Variants in ZNF438 observed in about 807,000 individuals in gnomAD.
The protein encoded by ZNF438 is zinc finger protein 438.
ZNF438 carries 25 observed loss-of-function variants against 38.0 expected under a neutral mutation model. The ratio of observed to expected loss-of-function variants is 0.66; its 90% CI spans 0.48 to 0.92. ZNF438 has a LOEUF of 0.92. Ranked by LOEUF, ZNF438 falls within the 40% of genes least tolerant of loss-of-function variation. The pLI is 0.00. For synonymous variants in ZNF438, 372 were observed against 364.1 expected, an observed-to-expected ratio of 1.02 and a Z score of -0.25; for missense variants, 1,007 against 999.6, an observed-to-expected ratio of 1.01 and a Z score of -0.10.
At chr10:30,951,800 A>G (rs1046144734) in intron 1 of ZNF438, among the ~76,000 whole-genome samples, 5 of 149,378 alleles carry the variant, frequency 3.3e-5, no homozygotes, top group African/African-American at 1.2e-4. Flanking sequence ...GGAAGAATCA[A>G]TACCATGAAA....
intron 1 of ZNF438, among the ~76,000 whole-genome samples, chr10:31,020,462 G>C (rs889587550): frequency 6.6e-6 from 1 of 152,146 alleles, no homozygotes; most frequent in Non-Finnish European, 1.5e-5. Context: ...ATACGTTGTT[G>C]AACTACAGGG....
intron 1 of ZNF438, among the ~76,000 whole-genome samples, chr10:30,946,693 A>G (rs190444614): frequency 6.2e-4 from 95 of 152,324 alleles, no homozygotes; most frequent in African/African-American, 2.2e-3. Flanking sequence ...CTGTCTTTAG[A>G]ATATTTAGAT....
At chr10:30,860,167 C>T (rs1385889572) in intron 4 of ZNF438, among the ~76,000 whole-genome samples, 5 of 152,192 alleles carry the variant, frequency 3.3e-5, no homozygotes, top group Admixed American at 3.3e-4. Flanking sequence ...TGTAGGTCAT[C>T]GGACCCGCAT....
intron 3 of ZNF438, among the ~76,000 whole-genome samples, chr10:30,878,162 A>G (rs2038711477): frequency 6.6e-6 from 1 of 152,228 alleles, no homozygotes; most frequent in Non-Finnish European, 1.5e-5. Context: ...GAGAACTTCT[A>G]TCCCTGTTTG....
chr10:30,955,015 C>T (rs762374284), intron 1 of ZNF438, among the ~76,000 whole-genome samples: 17 of 152,116 alleles, frequency 1.1e-4, no homozygotes, highest in Non-Finnish European at 2.2e-4. Flanking sequence ...TTTCTATGGA[C>T]CAGTAAAGCT....
chr10:30,881,191 A>T (rs892651443), intron 3 of ZNF438, among the ~76,000 whole-genome samples: 1 of 152,206 alleles, frequency 6.6e-6, no homozygotes, highest in African/African-American at 2.4e-5. Flanking sequence ...CAAGACTTAA[A>T]ATGGTCTTTA....
chr10:30,933,784 C>G (rs2045938868), intron 2 of ZNF438, among the ~76,000 whole-genome samples: 1 of 152,098 alleles, frequency 6.6e-6, no homozygotes, highest in South Asian at 2.1e-4. Context: ...TGACCTGGCC[C>G]CAATTGCAGC....
At chr10:30,975,282 T>C (rs2051211443) in intron 1 of ZNF438, among the ~76,000 whole-genome samples, 1 of 152,164 alleles carries the variant, frequency 6.6e-6, no homozygotes. Flanking sequence ...TCCCTTATTA[T>C]ACAGAGAGAA....
At chr10:31,028,345 G>A (rs890451685) in intron 1 of ZNF438, among the ~76,000 whole-genome samples, 5 of 151,966 alleles carry the variant, frequency 3.3e-5, no homozygotes, top group Non-Finnish European at 2.9e-5. Flanking sequence ...TCAACACTGA[G>A]GTAATAGAAC....
chr10:31,031,619 G>A (rs1050305140), intron 1 of ZNF438, among the ~76,000 whole-genome samples: 3 of 152,064 alleles, frequency 2.0e-5, no homozygotes, highest in African/African-American at 7.2e-5. Context: ...AAAGGTGCTG[G>A]CCCGGCCCCA....
chr10:30,869,305 C>T (rs1224774153), intron 4 of ZNF438, among the ~76,000 whole-genome samples: 1 of 151,874 alleles, frequency 6.6e-6, no homozygotes, highest in African/African-American at 2.4e-5. Context: ...ACCAGGGAGG[C>T]GGAGGTTGCA....
chr10:30,958,593 C>G, intron 1 of ZNF438, among the ~76,000 whole-genome samples: 1 of 146,934 alleles, frequency 6.8e-6, no homozygotes, highest in South Asian at 2.2e-4. Flanking sequence ...GTCCATTGAA[C>G]AGGGGACAGT....
chr10:31,014,178 C>A (rs78207041), intron 1 of ZNF438, among the ~76,000 whole-genome samples: 2 of 151,978 alleles, frequency 1.3e-5, no homozygotes. Flanking sequence ...TGAAAAAAAA[C>A]AAAAAACCTC....
At chr10:30,845,669 A>G (rs1427172618) in intron 5 of ZNF438, 96 bp from the exon 7 acceptor site, 1 of 1,424,846 alleles carries the variant, frequency 7.0e-7, no homozygotes. Context: ...CTAAAACATA[A>G]CACTGACGAG....
chr10:31,030,186 A>G (rs1405849010), intron 1 of ZNF438, among the ~76,000 whole-genome samples: 1 of 152,178 alleles, frequency 6.6e-6, no homozygotes, highest in African/African-American at 2.4e-5. Flanking sequence ...TTTCCCTCAC[A>G]CTTCAAGTGT....
intron 4 of ZNF438, chr10:30,857,592 G>T: frequency 9.1e-7 from 1 of 1,093,300 alleles, no homozygotes; most frequent in Non-Finnish European, 1.3e-6. Context: ...CTAACTTTCT[G>T]AAAGCCCACT....
chr10:30,951,435 A>T (rs1321660502), intron 1 of ZNF438, among the ~76,000 whole-genome samples: 1 of 151,952 alleles, frequency 6.6e-6, no homozygotes. Flanking sequence ...AGGGTATTCA[A>T]TTAGGAAAAG....
chr10:30,856,485 C>CGG (rs1419812229), intron 4 of ZNF438, among the ~76,000 whole-genome samples: 2 of 124,500 alleles, frequency 1.6e-5, no homozygotes, highest in Non-Finnish European at 3.6e-5. Context: ...AGTATGTCTG[C>CGG]AGAGTCTTTC....
At chr10:30,948,096 C>T (rs1355982383) in intron 1 of ZNF438, among the ~76,000 whole-genome samples, 3 of 152,194 alleles carry the variant, frequency 2.0e-5, no homozygotes, top group Non-Finnish European at 2.9e-5. Context: ...TGACCCCTGA[C>T]CCCTGAGCAG....
Sources: gnomAD v4.1 joint callset for allele counts (sites outside exome capture counted in the v4.1 genomes callset) on GRCh38, gnomAD v4.1.1 for gene constraint, MANE v1.5 for transcripts, NCBI Gene and HGNC (gene_info 2026-07-23, HGNC 2026-07-21) for gene names.